GALNT13: variants seen among roughly 807,000 people sequenced by gnomAD.
GALNT13 encodes UDP-GalNAc:polypeptide N-acetylgalactosaminyltransferase 13.
A neutral mutation model predicts 64.2 loss-of-function variants in GALNT13; 28 were observed. That is an observed-to-expected ratio of 0.44 (90% confidence interval 0.32 to 0.60). The LOEUF is 0.60. Ranked by LOEUF, GALNT13 falls within the 20% of genes least tolerant of loss-of-function variation. GALNT13 has a pLI of 0.05. For missense variants in GALNT13, 577 were observed against 669.8 expected (o/e 0.86, Z 1.53); for synonymous variants, 214 against 224.6 (o/e 0.95, Z 0.42).
chr2:153,111,710 T>G, the GALNT13 span, among the ~76,000 whole-genome samples: 2 of 152,080 alleles, frequency 1.3e-5, no homozygotes, highest in Admixed American at 1.3e-4. Flanking sequence ...GTAAGTAATT[T>G]TAGTAGGCTT....
intron 3 of GALNT13, among the ~76,000 whole-genome samples, chr2:154,036,351 C>G (rs956880702): frequency 3.3e-5 from 5 of 152,074 alleles, no homozygotes; most frequent in African/African-American, 1.2e-4. Context: ...ATTGCAGATA[C>G]TATCACAGTA....
intron 10 of GALNT13, among the ~76,000 whole-genome samples, chr2:154,398,614 T>C (rs1027523157): frequency 1.1e-4 from 17 of 152,192 alleles, no homozygotes; most frequent in African/African-American, 4.1e-4. Context: ...AGAGGCAGTA[T>C]GGTGTATTGA....
Position 154,087,694 on chromosome 2 carries a change from C to T in GALNT13, c.143-52643C>T, listed in dbSNP as rs1249906654. Among the ~76,000 whole-genome samples the T allele has an allele frequency of 2.0e-5, 3 of 152,174 alleles. No homozygotes were observed. The East Asian group carries it at 5.8e-4, about 29-fold the overall frequency. On this transcript the variant is annotated intron_variant, in intron 3 of 12. Coordinates refer to ENST00000392825, the MANE Select transcript of GALNT13 (RefSeq NM_052917.4). ...AAATCAATAACTTTTGAATTCAATA[C>T]ATTCAAGCAATGATGTCATTATATA...
chr2:153,910,382 C>T (rs1197257999), intron 2 of GALNT13, among the ~76,000 whole-genome samples: 2 of 152,048 alleles, frequency 1.3e-5, no homozygotes, highest in Admixed American at 6.6e-5. Context: ...CTCAAAATGC[C>T]AACTCCTGGA....
Position 154,396,006 on chromosome 2 carries a change from A to T in GALNT13, c.1172A>T (p.Asp391Val). The T allele has an allele frequency of 6.2e-7, 1 of 1,605,238 alleles. No homozygotes were observed. The highest frequency in any genetic ancestry group is 8.5e-7 in the Non-Finnish European group (1 of 1,176,702). Residue 391 changes from aspartate (D) to valine (V), a missense_variant, in exon 10 of 13, where the codon GAT (aspartate) becomes GTT (valine). This residue lies in a region of GALNT13 where 232 missense variants were observed against 270.6 expected (regional missense o/e 0.86). Transcript: ENST00000392825. Reference protein sequence around the residue: ...YIISPGVVKVDYGDVSVRKTL... With the variant: ...YIISPGVVKVVYGDVSVRKTL... ...AAAATTCCAGGTGTTGTCAAAGTGG[A>T]TTATGGAGATGTGTCAGTCAGAAAA...
intron 9 of GALNT13, among the ~76,000 whole-genome samples, chr2:154,384,356 A>G (rs2105338012): frequency 6.6e-6 from 1 of 152,002 alleles, no homozygotes; most frequent in South Asian, 2.1e-4. Context: ...TAATAAATAA[A>G]GACACCTATT....
intron 9 of GALNT13, among the ~76,000 whole-genome samples, chr2:154,383,526 C>A (rs1183314888): frequency 1.3e-5 from 2 of 151,878 alleles, no homozygotes; most frequent in East Asian, 3.9e-4. Context: ...CCTTGAGTTA[C>A]TAAATTGTAA....
chr2:153,775,315 A>G, the GALNT13 span, among the ~76,000 whole-genome samples: 3 of 152,218 alleles, frequency 2.0e-5, no homozygotes, highest in Admixed American at 2.0e-4. Flanking sequence ...CAAGTCAAAT[A>G]TTAACACAAA....
the GALNT13 span, among the ~76,000 whole-genome samples, chr2:153,528,063 T>C: frequency 6.6e-6 from 1 of 151,646 alleles, no homozygotes; most frequent in African/African-American, 2.4e-5. Flanking sequence ...CAAGTGGCAA[T>C]AGTAAGTTCT....
the GALNT13 span, among the ~76,000 whole-genome samples, chr2:153,794,402 C>T: frequency 1.3e-5 from 2 of 152,042 alleles, no homozygotes; most frequent in African/African-American, 2.4e-5. Context: ...AAATGTACAG[C>T]ACCATAAAAG....
In GALNT13 at chr2:154,449,382, C is replaced by G. The variant is rs563038960; in HGVS notation, c.1531-1029C>G. 2.0e-5 allele frequency among the ~76,000 whole-genome samples: 3 copies of G among 148,434 alleles called. No homozygotes were observed. The East Asian group carries it at 5.9e-4, about 29-fold the overall frequency. On this transcript the variant is annotated intron_variant, in intron 12 of 12. Coordinates refer to ENST00000392825, the MANE Select transcript of GALNT13 (RefSeq NM_052917.4). ...TCCTCTACCATTTTTATGGCCCACC[C>G]CTTACATTTACTTTCATCCCATTTT...
chr2:153,742,520 C>A, the GALNT13 span, among the ~76,000 whole-genome samples: 1 of 152,014 alleles, frequency 6.6e-6, no homozygotes, highest in Non-Finnish European at 1.5e-5. Context: ...TTCTAGTGGA[C>A]CCACCCCCAA....
chr2:153,256,930 G>A, the GALNT13 span, among the ~76,000 whole-genome samples: 1 of 152,234 alleles, frequency 6.6e-6, no homozygotes, highest in African/African-American at 2.4e-5. Context: ...GCCCGCAGAG[G>A]TGGAGCCTGC....
the GALNT13 span, among the ~76,000 whole-genome samples, chr2:153,663,970 T>G: frequency 6.6e-6 from 1 of 152,146 alleles, no homozygotes; most frequent in Non-Finnish European, 1.5e-5. Context: ...GGGGTACGAA[T>G]AGAGAGTAAG....
At chr2:153,356,786 CCTCTTTT>C in the GALNT13 span, among the ~76,000 whole-genome samples, 2 of 32,808 alleles carry the variant, frequency 6.1e-5, no homozygotes, top group Non-Finnish European at 1.1e-4. Flanking sequence ...TTTTCTTCTT[CCTCTTTT>C]TTTTTTTTTT....
chr2:153,399,852 C>T, the GALNT13 span, among the ~76,000 whole-genome samples: 1 of 151,778 alleles, frequency 6.6e-6, no homozygotes, highest in Non-Finnish European at 1.5e-5. Context: ...TCTAGATATA[C>T]AATCATGTCG....
At chr2:154,440,272 G>A (rs1701221021) in intron 12 of GALNT13, among the ~76,000 whole-genome samples, 1 of 152,098 alleles carries the variant, frequency 6.6e-6, no homozygotes, top group Non-Finnish European at 1.5e-5. Context: ...AAGCAGTGTG[G>A]AATTTTAGAA....
chr2:153,308,369 T>C, the GALNT13 span, among the ~76,000 whole-genome samples: 1 of 152,158 alleles, frequency 6.6e-6, no homozygotes, highest in South Asian at 2.1e-4. Context: ...CATGCTTCAG[T>C]TTGTGTGATT....
the GALNT13 span, chr2:153,420,580 A>G: frequency 5.8e-6 from 1 of 172,408 alleles, no homozygotes; most frequent in Non-Finnish European, 1.3e-5. Context: ...AGTGAAAACA[A>G]TCTAACTGGA....
Sources: gnomAD v4.1 joint callset for allele counts (sites outside exome capture counted in the v4.1 genomes callset) on GRCh38, gnomAD v4.1.1 for gene constraint, gnomAD v4.1.1 regional missense constraint, MANE v1.5 for transcripts, NCBI Gene and HGNC (gene_info 2026-07-23, HGNC 2026-07-21) for gene names.